The following PHTF2 variants were observed in gnomAD, a reference collection of about 807,000 sequenced individuals.
PHTF2 encodes the protein putative homeodomain transcription factor 2.
A neutral mutation model predicts 101.2 loss-of-function variants in PHTF2; 60 were observed. The observed-to-expected ratio is 0.59, with a 90% CI of 0.48 to 0.73. The LOEUF is 0.73. Among genes scored for constraint, PHTF2 ranks in the 30% least tolerant of loss-of-function variants. The pLI is 0.00. For missense variants in PHTF2, 747 were observed against 908.7 expected, an observed-to-expected ratio of 0.82 and a Z score of 2.29; for synonymous variants, 311 against 307.3, an observed-to-expected ratio of 1.01 and a Z score of -0.13.
chr7:77,816,415 G>T (rs1405732138), intron 1 of PHTF2, among the ~76,000 whole-genome samples: 1 of 152,042 alleles, frequency 6.6e-6, no homozygotes, highest in Non-Finnish European at 1.5e-5. Context: ...TAGTACATGG[G>T]TCCAGGACAG....
intron 3 of PHTF2, among the ~76,000 whole-genome samples, chr7:77,878,912 T>TATCTAGATAG (rs1799169888): frequency 1.3e-5 from 2 of 152,240 alleles, no homozygotes; most frequent in Non-Finnish European, 2.9e-5. Context: ...AGTGACACTG[T>TATCTAGATAG]ATCTAGATAG....
chr7:77,845,659 G>T (rs1796219360), intron 2 of PHTF2, among the ~76,000 whole-genome samples: 1 of 152,336 alleles, frequency 6.6e-6, no homozygotes, highest in Non-Finnish European at 1.5e-5. Context: ...ACACGTGTGT[G>T]TGTGTATGTG....
At chr7:77,858,791 C>T (rs1016536035) in intron 3 of PHTF2, among the ~76,000 whole-genome samples, 12 of 152,062 alleles carry the variant, frequency 7.9e-5, no homozygotes, top group Middle Eastern at 3.4e-3. Flanking sequence ...TATATAGTCT[C>T]ATGGTTTAAT....
intron 3 of PHTF2, among the ~76,000 whole-genome samples, chr7:77,873,586 A>C (rs1465795326): frequency 6.6e-6 from 1 of 152,054 alleles, no homozygotes; most frequent in African/African-American, 2.4e-5. Context: ...GGAGGCCATC[A>C]CTGTTGCCTC....
At chr7:77,815,563 C>T (rs1421392039) in intron 1 of PHTF2, among the ~76,000 whole-genome samples, 2 of 152,204 alleles carry the variant, frequency 1.3e-5, no homozygotes, top group African/African-American at 4.8e-5. Context: ...AGCCCCTTTT[C>T]CACAGTTTCT....
Position 77,926,701 on chromosome 7 carries a change from G to T in PHTF2, c.1120-2408G>T, listed in dbSNP as rs184364180. ...GACAATATTGGCCGCACATTCAGTG[G>T]CTCACGCCTGTAATCCCAGCACTTT... On this transcript the variant is annotated intron_variant, in intron 11 of 19. Coordinates refer to ENST00000416283, the Ensembl canonical transcript of PHTF2. 3.7e-3 allele frequency among the ~76,000 whole-genome samples: 568 copies of T among 152,198 alleles called. 2 individuals are homozygous for T. The highest frequency in any genetic ancestry group is 5.7e-3 in the Non-Finnish European group (391 of 68,008).
chr7:77,883,874 A>G (rs1265417216), intron 3 of PHTF2, among the ~76,000 whole-genome samples: 2 of 152,236 alleles, frequency 1.3e-5, no homozygotes, highest in East Asian at 3.8e-4. Flanking sequence ...TTTAAAAGTG[A>G]AATAATTGAA....
rs184423414 is a variant in PHTF2, at chr7:77,938,871, A to G, written c.1467+1033A>G. ...AATTTCTAAATTTCTTTGGTGCATT[A>G]TTGTGCTTGAACTCTTCTCCACACT... On this transcript the variant is annotated intron_variant, in intron 13 of 19. Coordinates refer to ENST00000416283, the Ensembl canonical transcript of PHTF2. 3.3e-5 allele frequency among the ~76,000 whole-genome samples: 5 copies of G among 152,358 alleles called. No homozygotes were observed. In the East Asian group the frequency reaches 9.6e-4, roughly 29 times the overall value.
intron 2 of PHTF2, among the ~76,000 whole-genome samples, chr7:77,849,688 A>C (rs1048260920): frequency 2.0e-5 from 3 of 152,182 alleles, no homozygotes; most frequent in Non-Finnish European, 4.4e-5. Context: ...TCTTTGCATC[A>C]GTGTTTTGTA....
intron 1 of PHTF2, among the ~76,000 whole-genome samples, chr7:77,834,312 CAAA>C (rs34947684): frequency 0.13 from 11,147 of 88,976 alleles, 536 homozygotes; most frequent in South Asian, 0.25. Context: ...GACCTTGTCT[CAAA>C]AAAAAAAAAA....
At chr7:77,856,697 C>T (rs189067437) in intron 3 of PHTF2, among the ~76,000 whole-genome samples, 73 of 151,878 alleles carry the variant, frequency 4.8e-4, no homozygotes, top group Non-Finnish European at 6.5e-4. Flanking sequence ...TTTTCCTTGC[C>T]GTTATTCCCT....
chr7:77,924,248 C>T (rs1803752059), intron 11 of PHTF2: 1 of 472,892 alleles, frequency 2.1e-6, no homozygotes, highest in African/African-American at 2.1e-5. Context: ...TTACTGTACT[C>T]TCTCCAATTG....
chr7:77,856,190 G>A (rs781296537), intron 3 of PHTF2, among the ~76,000 whole-genome samples: 1 of 152,042 alleles, frequency 6.6e-6, no homozygotes, highest in Non-Finnish European at 1.5e-5. Context: ...TCCAGGTTGG[G>A]CAGCATAACA....
chr7:77,826,678 C>A (rs1794716746), intron 1 of PHTF2, among the ~76,000 whole-genome samples: 1 of 152,150 alleles, frequency 6.6e-6, no homozygotes, highest in South Asian at 2.1e-4. Flanking sequence ...CATCTAACTG[C>A]AAGAAAGGTT....
intron 3 of PHTF2, among the ~76,000 whole-genome samples, chr7:77,879,359 C>A (rs1799213688): frequency 6.6e-6 from 1 of 152,142 alleles, no homozygotes; most frequent in Admixed American, 6.5e-5. Flanking sequence ...GCTGCTGCTT[C>A]TCATATGGCC....
chr7:77,844,712 A>G (rs2150592226), intron 2 of PHTF2, among the ~76,000 whole-genome samples: 1 of 152,214 alleles, frequency 6.6e-6, no homozygotes, highest in East Asian at 1.9e-4. Flanking sequence ...TTTAGTAGTG[A>G]TGAGGTTTTG....
chr7:77,828,115 G>A (rs1018265277), intron 1 of PHTF2, among the ~76,000 whole-genome samples: 6 of 152,180 alleles, frequency 3.9e-5, no homozygotes, highest in African/African-American at 7.2e-5. Flanking sequence ...AATTTAGAAC[G>A]TTTCTGCTGA....
At chr7:77,830,995 T>A (rs1562852574) in intron 1 of PHTF2, among the ~76,000 whole-genome samples, 1 of 152,190 alleles carries the variant, frequency 6.6e-6, no homozygotes, top group Non-Finnish European at 1.5e-5. Context: ...GACCCAATGA[T>A]GAGACAGCAG....
At chr7:77,852,128 C>T (rs1274238088) in intron 2 of PHTF2, among the ~76,000 whole-genome samples, 1 of 152,168 alleles carries the variant, frequency 6.6e-6, no homozygotes, top group Non-Finnish European at 1.5e-5. Flanking sequence ...TGGGCTCAAG[C>T]AATCCTCCTG....
Sources: gnomAD v4.1 joint callset for allele counts (sites outside exome capture counted in the v4.1 genomes callset) on GRCh38, gnomAD v4.1.1 for gene constraint, MANE v1.5 for transcripts, NCBI Gene and HGNC (gene_info 2026-07-23, HGNC 2026-07-21) for gene names.